Variants in DYNC1I1 observed in about 807,000 individuals in gnomAD.
The protein encoded by DYNC1I1 is cytoplasmic dynein 1 intermediate chain 1.
Under a neutral mutation model 86.6 loss-of-function variants are expected in DYNC1I1, and 43 were observed. The ratio of observed to expected loss-of-function variants is 0.50; its 90% CI spans 0.39 to 0.64. DYNC1I1 has a LOEUF of 0.64. DYNC1I1 is among the 30% of genes least tolerant of loss of function. DYNC1I1 has a pLI of 0.00. For missense variants in DYNC1I1, 604 were observed against 788.8 expected (o/e 0.77, Z 2.81); for synonymous variants, 262 against 283.7 (o/e 0.92, Z 0.77).
At chr7:95,902,269 A>G (rs953044757) in intron 6 of DYNC1I1, among the ~76,000 whole-genome samples, 6 of 152,230 alleles carry the variant, frequency 3.9e-5, no homozygotes, top group African/African-American at 1.4e-4. Context: ...AATAGTTAGC[A>G]TGTAGAAAAA....
intron 7 of DYNC1I1, among the ~76,000 whole-genome samples, chr7:95,979,574 A>G (rs1015645690): frequency 3.9e-5 from 6 of 151,994 alleles, no homozygotes; most frequent in Non-Finnish European, 8.8e-5. Flanking sequence ...ACATGGTTAC[A>G]GGGGCCCCAG....
At chr7:95,847,263 C>A (rs987350825) in intron 5 of DYNC1I1, among the ~76,000 whole-genome samples, 3 of 152,144 alleles carry the variant, frequency 2.0e-5, no homozygotes, top group Non-Finnish European at 4.4e-5. Context: ...CCACTTAGTG[C>A]TTTCTCGTCA....
At chr7:95,889,157 A>G (rs972605935) in intron 6 of DYNC1I1, among the ~76,000 whole-genome samples, 1 of 152,208 alleles carries the variant, frequency 6.6e-6, no homozygotes, top group Non-Finnish European at 1.5e-5. Flanking sequence ...TATACTCAAA[A>G]TTGTTGCAAA....
chr7:96,109,387 G>A (rs901924019), intron 16 of DYNC1I1, among the ~76,000 whole-genome samples: 25 of 122,180 alleles, frequency 2.0e-4, no homozygotes, highest in African/African-American at 5.4e-4. Context: ...CAACAGTCTC[G>A]TTGACTTCTG....
intron 4 of DYNC1I1, among the ~76,000 whole-genome samples, chr7:95,815,059 T>C (rs1794917777): frequency 6.6e-6 from 1 of 152,152 alleles, no homozygotes; most frequent in Admixed American, 6.6e-5. Flanking sequence ...TGCGTGTCAT[T>C]ACTGCTTAGC....
intron 5 of DYNC1I1, among the ~76,000 whole-genome samples, chr7:95,833,357 G>A (rs1395623024): frequency 5.4e-5 from 8 of 149,386 alleles, no homozygotes; most frequent in South Asian, 4.3e-4. Flanking sequence ...GTACCATGCT[G>A]TTTTGGTTAC....
rs375715304 is a variant in DYNC1I1 at position 96,081,079 on chromosome 7, A to AAAAAAAAAAAAAAAAAG, written c.1776+595_1776+596insAAAAAAAAAAAAGAAAA. On this transcript the variant is annotated intron_variant, in intron 16 of 16. Coordinates refer to ENST00000447467, the MANE Select transcript of DYNC1I1 (RefSeq NM_001135556.2). ...AGAGACTCCATCTCAAAAAAAAAAG[A>AAAAAAAAAAAAAAAAAG]AAAAGAAAAGAAAAGAAAAGTTTGC... 5.1e-4 allele frequency among the ~76,000 whole-genome samples: 68 copies of AAAAAAAAAAAAAAAAAG among 133,650 alleles called. 1 individual carries two copies. The highest frequency in any genetic ancestry group is 1.8e-3 in the African/African-American group (59 of 33,514). The allele number at this position is 133,650 out of a possible 152,430, so 87.7% of individuals were successfully genotyped here.
intron 6 of DYNC1I1, among the ~76,000 whole-genome samples, chr7:95,896,115 C>A (rs1031776391): frequency 6.6e-6 from 1 of 152,188 alleles, no homozygotes; most frequent in African/African-American, 2.4e-5. Context: ...CAATAGCTTG[C>A]TTGTTGATGG....
chr7:96,088,912 T>C (rs889064000), intron 16 of DYNC1I1, among the ~76,000 whole-genome samples: 4 of 152,148 alleles, frequency 2.6e-5, no homozygotes, highest in Admixed American at 6.5e-5. Flanking sequence ...TTACTTATCA[T>C]TTAAGAAATA....
intron 16 of DYNC1I1, among the ~76,000 whole-genome samples, chr7:96,080,943 A>C (rs1041881292): frequency 9.2e-5 from 14 of 151,834 alleles, no homozygotes; most frequent in African/African-American, 3.4e-4. Flanking sequence ...GGTGGCAGGC[A>C]CCTGTAATCC....
intron 6 of DYNC1I1, among the ~76,000 whole-genome samples, chr7:95,901,505 A>AC (rs1239905970): frequency 6.6e-6 from 1 of 152,196 alleles, no homozygotes; most frequent in African/African-American, 2.4e-5. Flanking sequence ...TGTAAATTCA[A>AC]CAGGTTATTT....
At chr7:95,978,348 G>C (rs1793362212) in intron 7 of DYNC1I1, among the ~76,000 whole-genome samples, 1 of 152,124 alleles carries the variant, frequency 6.6e-6, no homozygotes, top group Non-Finnish European at 1.5e-5. Flanking sequence ...ATAGCACTGT[G>C]CCTGTAAGTA....
intron 6 of DYNC1I1, among the ~76,000 whole-genome samples, chr7:95,923,827 G>T (rs183018195): frequency 2.3e-4 from 35 of 152,254 alleles, no homozygotes; most frequent in Non-Finnish European, 2.5e-4. Context: ...GAAAGGGAAG[G>T]TTATAATGAA....
intron 6 of DYNC1I1, among the ~76,000 whole-genome samples, chr7:95,955,464 C>A (rs1792686218): frequency 1.3e-5 from 2 of 151,972 alleles, no homozygotes; most frequent in Admixed American, 6.6e-5. Context: ...GGACTACACA[C>A]TTAGCTGATT....
At chr7:95,814,134 G>A (rs1265381793) in intron 4 of DYNC1I1, among the ~76,000 whole-genome samples, 2 of 152,142 alleles carry the variant, frequency 1.3e-5, no homozygotes, top group Non-Finnish European at 2.9e-5. Context: ...AATTCTTAAA[G>A]GCCAGATGGC....
intron 16 of DYNC1I1, among the ~76,000 whole-genome samples, chr7:96,081,773 T>G (rs1321541617): frequency 1.3e-5 from 2 of 152,202 alleles, no homozygotes; most frequent in African/African-American, 4.8e-5. Context: ...ATGGAACTTT[T>G]GATGACATAT....
chr7:96,106,683 A>C (rs2116353520), intron 16 of DYNC1I1, among the ~76,000 whole-genome samples: 1 of 152,320 alleles, frequency 6.6e-6, no homozygotes, highest in Non-Finnish European at 1.5e-5. Context: ...TGAGATTTTC[A>C]GAAGTGTTTT....
chr7:95,842,925 A>C (rs1322346750), intron 5 of DYNC1I1, among the ~76,000 whole-genome samples: 1 of 151,866 alleles, frequency 6.6e-6, no homozygotes, highest in Non-Finnish European at 1.5e-5. Context: ...TTGAATTTCT[A>C]TAATTTTCTT....
intron 6 of DYNC1I1, among the ~76,000 whole-genome samples, chr7:95,941,501 C>T (rs1283585363): frequency 6.6e-6 from 1 of 152,170 alleles, no homozygotes; most frequent in East Asian, 1.9e-4. Context: ...CAAGCCTGGG[C>T]AATGGCGGGC....
Sources: allele counts gnomAD v4.1 joint callset (sites outside exome capture counted in the v4.1 genomes callset), GRCh38; gene constraint gnomAD v4.1.1; transcripts MANE v1.5; gene names NCBI Gene and HGNC (gene_info 2026-07-23, HGNC 2026-07-21).